MCTP1: variants seen among roughly 807,000 people sequenced by gnomAD.
MCTP1 encodes multiple C2 and transmembrane domain containing 1, also known as multiple C2 and transmembrane domain-containing protein 1.
MCTP1 carries 69 observed loss-of-function variants against 120.6 expected under a neutral mutation model. The ratio of observed to expected loss-of-function variants is 0.57; its 90% confidence interval spans 0.47 to 0.70. MCTP1 has a LOEUF of 0.70. MCTP1 is among the 30% of genes least tolerant of loss of function. The probability of loss-of-function intolerance (pLI) is 0.00; values close to 1 mark genes in which losing one functional copy is unlikely to be tolerated. For missense variants in MCTP1, 1,203 were observed against 1,248.8 expected (o/e 0.96, Z 0.55); for synonymous variants, 529 against 493.1 (o/e 1.07, Z -0.96).
At chr5:95,040,768 G>A (rs1842209321) in intron 1 of MCTP1, among the ~76,000 whole-genome samples, 1 of 152,144 alleles carries the variant, frequency 6.6e-6, no homozygotes, top group Non-Finnish European at 1.5e-5. Flanking sequence ...ATTCAGGGTT[G>A]GGTATGTGAC....
intron 17 of MCTP1, among the ~76,000 whole-genome samples, chr5:94,842,101 G>A (rs1010888804): frequency 1.3e-5 from 2 of 152,318 alleles, no homozygotes; most frequent in South Asian, 4.1e-4. Context: ...ACGCAACGCT[G>A]TTAGAAGTGG....
intron 10 of MCTP1, among the ~76,000 whole-genome samples, chr5:94,906,447 C>A (rs1435993578): frequency 2.6e-5 from 4 of 152,142 alleles, no homozygotes; most frequent in African/African-American, 9.7e-5. Flanking sequence ...GGTCGCACCA[C>A]TGCACTCCAG....
intron 19 of MCTP1, among the ~76,000 whole-genome samples, chr5:94,733,038 A>C (rs937041953): frequency 6.6e-6 from 1 of 152,242 alleles, no homozygotes; most frequent in Admixed American, 6.5e-5. Context: ...GAGTAATTTT[A>C]TCTATTCCAA....
At chr5:94,735,367 C>A (rs923590583) in intron 19 of MCTP1, among the ~76,000 whole-genome samples, 2 of 151,008 alleles carry the variant, frequency 1.3e-5, no homozygotes, top group Admixed American at 6.6e-5. Context: ...ATAGTTTCAA[C>A]CTCCTGGCTC....
chr5:95,275,498 T>G (rs555095470), intron 1 of MCTP1, among the ~76,000 whole-genome samples: 53 of 152,290 alleles, frequency 3.5e-4, no homozygotes, highest in African/African-American at 1.2e-3. Flanking sequence ...GAGTTTGAAA[T>G]CCCTGCTTTA....
chr5:94,823,486 C>A (rs541998033), intron 17 of MCTP1, among the ~76,000 whole-genome samples: 36 of 152,224 alleles, frequency 2.4e-4, no homozygotes, highest in African/African-American at 8.4e-4. Flanking sequence ...ATTATGCATC[C>A]GGCTTTGTTC....
At chr5:94,926,331 C>T (rs1813112944) in intron 6 of MCTP1, among the ~76,000 whole-genome samples, 1 of 152,140 alleles carries the variant, frequency 6.6e-6, no homozygotes, top group African/African-American at 2.4e-5. Flanking sequence ...AGCATGCTTT[C>T]ATAGGAACTC....
rs397960364 is a variant in MCTP1, at chr5:94,875,749, CT to C, written c.1934-2509del. ...TTCACTGAGCTTAGCCAAGTCAGTTCTTTTTTTTTTTTTTCCAAGGAGAATA... is the reference window on the plus strand; with the variant it reads ...TTCACTGAGCTTAGCCAAGTCAGTTCTTTTTTTTTTTTTCCAAGGAGAATA... On this transcript the variant is annotated intron_variant, in intron 12 of 22. Transcript: ENST00000515393. Among the ~76,000 whole-genome samples, 1,053 of 138,246 alleles carry C rather than the reference CT, an allele frequency of 7.6e-3. 6 individuals are homozygous for C. Among genetic ancestry groups the C allele is most frequent in the Middle Eastern group, 0.045 (12 of 268 alleles). The allele number at this position is 138,246 out of a possible 152,430, so 90.7% of individuals were successfully genotyped here. A position where few individuals can be genotyped will look rare whatever the true frequency, so the allele number is the denominator to read the frequency against.
Position 95,003,950 on chromosome 5 carries a change from G to A in MCTP1, c.838+13417C>T, listed in dbSNP as rs569731100. 5.9e-5 allele frequency among the ~76,000 whole-genome samples: 9 copies of A among 152,264 alleles called. No individual in the cohort carries two copies. In the East Asian group the frequency reaches 1.5e-3, roughly 26 times the overall value. ...AGTTTTGAGGGCTCAGAAGAAGACA[G>A]GAACATGAGGAAAAGTTTGGAACCT... On this transcript the variant is annotated intron_variant, in intron 2 of 22. Transcript: ENST00000515393.
At chr5:94,985,598 A>G (rs1358667148) in intron 2 of MCTP1, among the ~76,000 whole-genome samples, 3 of 152,188 alleles carry the variant, frequency 2.0e-5, no homozygotes, top group Non-Finnish European at 2.9e-5. Context: ...TTTTTCAACA[A>G]TTTGTGATTA....
chr5:94,714,217 T>C (rs1758233067), intron 20 of MCTP1, among the ~76,000 whole-genome samples: 1 of 152,162 alleles, frequency 6.6e-6, no homozygotes, highest in Non-Finnish European at 1.5e-5. Flanking sequence ...AGGGATTCTG[T>C]TTTTATAATT....
chr5:95,280,156 C>T (rs567314888), intron 1 of MCTP1, among the ~76,000 whole-genome samples: 2 of 152,308 alleles, frequency 1.3e-5, no homozygotes, highest in African/African-American at 4.8e-5. Context: ...AAGCAAGATA[C>T]ACTTCATGTA....
intron 17 of MCTP1, among the ~76,000 whole-genome samples, chr5:94,851,958 C>T (rs2153224959): frequency 6.6e-6 from 1 of 151,864 alleles, no homozygotes; most frequent in East Asian, 1.9e-4. Context: ...TTTAATTGTA[C>T]ATATCATAAT....
chr5:94,911,856 C>T (rs1277506304), intron 9 of MCTP1, among the ~76,000 whole-genome samples: 2 of 152,096 alleles, frequency 1.3e-5, no homozygotes, highest in Non-Finnish European at 2.9e-5. Context: ...TGTTACTCTT[C>T]CTCTTCTGCT....
chr5:95,168,321 A>G lies in MCTP1; in HGVS notation c.720+115535T>C, dbSNP rs192289413. On this transcript the variant is annotated intron_variant, in intron 1 of 22. Transcript: ENST00000515393. ...TAGCCTTGTAGTGTAGTTTGAAGTC[A>G]GGTAGCATGATGCCTCCAACTTTGT... 1.5e-3 allele frequency among the ~76,000 whole-genome samples: 222 copies of G among 152,310 alleles called. 1 individual carries two copies. The highest frequency in any genetic ancestry group is 5.1e-3 in the African/African-American group (213 of 41,560).
At chr5:94,929,613 A>T in intron 6 of MCTP1, 2 of 942,752 alleles carry the variant, frequency 2.1e-6, no homozygotes, top group Non-Finnish European at 2.5e-6. Flanking sequence ...AAAGCTACAC[A>T]GTATAGTCCC....
chr5:95,031,702 G>T (rs181360192), intron 1 of MCTP1, among the ~76,000 whole-genome samples: 1 of 151,966 alleles, frequency 6.6e-6, no homozygotes, highest in Non-Finnish European at 1.5e-5. Flanking sequence ...TACAAGGCTC[G>T]GCTAACAATA....
At chr5:94,888,809 G>T in intron 12 of MCTP1, 70 bp downstream of exon 12, 1 of 858,348 alleles carries the variant, frequency 1.2e-6, no homozygotes, top group Non-Finnish European at 1.9e-6. Context: ...ATGCAAAGTT[G>T]AATTATTAAA....
intron 19 of MCTP1, among the ~76,000 whole-genome samples, chr5:94,746,318 TC>T (rs1766891752): frequency 6.6e-6 from 1 of 152,330 alleles, no homozygotes; most frequent in South Asian, 2.1e-4. Context: ...CTCTATTAAT[TC>T]TTTTATGTCA....
Sources: allele counts gnomAD v4.1 joint callset (sites outside exome capture counted in the v4.1 genomes callset), GRCh38; gene constraint gnomAD v4.1.1; transcripts MANE v1.5; gene names NCBI Gene and HGNC (gene_info 2026-07-23, HGNC 2026-07-21).